Variants in ACBD6 observed in about 807,000 individuals in gnomAD.
ACBD6 encodes acyl-CoA-binding domain-containing protein 6.
A neutral mutation model predicts 37.2 loss-of-function variants in ACBD6; 28 were observed. The observed-to-expected ratio is 0.75, with a 90% CI of 0.56 to 1.03. The LOEUF (loss-of-function observed/expected upper bound fraction) is 1.03. Ranked by LOEUF, ACBD6 falls within the 50% of genes least tolerant of loss-of-function variation. The pLI is 0.00. For synonymous variants in ACBD6, 113 were observed against 126.8 expected (o/e 0.89, Z 0.73); for missense variants, 340 against 337.4 (o/e 1.01, Z -0.06).
intron 6 of ACBD6, among the ~76,000 whole-genome samples, chr1:180,334,553 G>C (rs1388237930): frequency 6.6e-6 from 1 of 152,062 alleles, no homozygotes; most frequent in Non-Finnish European, 1.5e-5. Flanking sequence ...AAACCACAAA[G>C]ATGGGAAAAA....
At chr1:180,424,668 G>T (rs1178296091) in intron 4 of ACBD6, among the ~76,000 whole-genome samples, 1 of 151,902 alleles carries the variant, frequency 6.6e-6, no homozygotes, top group African/African-American at 2.4e-5. Context: ...CATTTCATAG[G>T]TACCACATAC....
chr1:180,310,097 T>TA (rs969332447), intron 7 of ACBD6, among the ~76,000 whole-genome samples: 15 of 151,552 alleles, frequency 9.9e-5, no homozygotes, highest in East Asian at 1.9e-4. Context: ...TCCTCATTTA[T>TA]AAAAAAAAAT....
intron 3 of ACBD6, among the ~76,000 whole-genome samples, chr1:180,433,463 C>G (rs1648888490): frequency 1.3e-5 from 2 of 152,138 alleles, no homozygotes; most frequent in Non-Finnish European, 2.9e-5. Flanking sequence ...TGAAAGCTTT[C>G]TTTCTAAGAT....
intron 3 of ACBD6, among the ~76,000 whole-genome samples, chr1:180,446,714 A>C (rs1649491019): frequency 6.6e-6 from 1 of 152,184 alleles, no homozygotes; most frequent in African/African-American, 2.4e-5. Flanking sequence ...AACACACAGC[A>C]ATATTTTAAA....
intron 4 of ACBD6, among the ~76,000 whole-genome samples, chr1:180,425,035 C>G (rs919395221): frequency 2.0e-5 from 3 of 152,312 alleles, no homozygotes; most frequent in African/African-American, 7.2e-5. Context: ...CTTGTCATTC[C>G]TGAGGTTCTC....
intron 7 of ACBD6, among the ~76,000 whole-genome samples, chr1:180,300,871 TTTTC>T (rs1429341208): frequency 3.3e-5 from 5 of 152,188 alleles, no homozygotes; most frequent in African/African-American, 7.2e-5. Flanking sequence ...TAAGAAAAGA[TTTTC>T]TTTAATTTGA....
At chr1:180,378,230 C>T (rs1380998576) in intron 6 of ACBD6, among the ~76,000 whole-genome samples, 1 of 152,066 alleles carries the variant, frequency 6.6e-6, no homozygotes. Context: ...TAACCTAATT[C>T]CAATCAAGAG....
At chr1:180,438,378 G>A (rs1266066905) in intron 3 of ACBD6, 1 of 152,778 alleles carries the variant, frequency 6.5e-6, no homozygotes, top group Non-Finnish European at 1.5e-5. Flanking sequence ...ATAGGCAAAG[G>A]ACATAACCAT....
Position 180,360,022 on chromosome 1 carries a change from G to T in ACBD6, c.663+37494C>A, listed in dbSNP as rs536331924. ...TTTTAATTTTTTATTGAATAACAAG[G>T]TACTTTGGGTTTTTACATAGATAAA... On this transcript the variant is annotated intron_variant, in intron 6 of 7. Transcript: ENST00000367595. 2.0e-5 allele frequency among the ~76,000 whole-genome samples: 3 copies of T among 152,116 alleles called. No homozygotes were observed. The South Asian group carries it at 6.2e-4, about 32-fold the overall frequency.
chr1:180,438,679 C>A (rs2102009639), intron 3 of ACBD6, among the ~76,000 whole-genome samples: 1 of 152,250 alleles, frequency 6.6e-6, no homozygotes, highest in Non-Finnish European at 1.5e-5. Context: ...GTATACAACT[C>A]TCCCACCCAC....
chr1:180,489,025 T>G (rs1366201487), intron 3 of ACBD6, among the ~76,000 whole-genome samples: 2 of 152,136 alleles, frequency 1.3e-5, no homozygotes, highest in South Asian at 4.1e-4. Flanking sequence ...CTCAGCACAT[T>G]CAGGCCAGGT....
In ACBD6 at chr1:180,420,920, A is replaced by G. The variant is rs530479854; in HGVS notation, c.468-7449T>C. Among the ~76,000 whole-genome samples, 10 of 152,008 alleles carry G rather than the reference A, an allele frequency of 6.6e-5. No individual in the cohort carries two copies. The South Asian group carries it at 2.1e-3, about 32-fold the overall frequency. ...GCTTCCTTCTCTCCCTTACTAATAA[A>G]TGTCCTTTGTGGCATTTTTTTCCTC... On this transcript the variant is annotated intron_variant, in intron 4 of 7. Coordinates refer to ENST00000367595, the MANE Select transcript of ACBD6 (RefSeq NM_032360.4).
chr1:180,330,515 T>C (rs1651439276), intron 6 of ACBD6, among the ~76,000 whole-genome samples: 1 of 152,150 alleles, frequency 6.6e-6, no homozygotes, highest in Non-Finnish European at 1.5e-5. Flanking sequence ...CAAATATAAA[T>C]GGGCATTTCA....
rs1309022251 is a variant in ACBD6, at chr1:180,502,211, A to G, written c.56T>C (p.Leu19Pro). 2 of 1,613,982 alleles carry G rather than the reference A, an allele frequency of 1.2e-6. No individual in the cohort carries two copies. The highest frequency in any genetic ancestry group is 2.2e-5 in the South Asian group (2 of 91,084). ...CTCCCCGGAGTCGTCCCCTGAGCTC[A>G]GCTCTCCACCGCTGTCGCCGGTGAT... ...GAITGDSGGE[L>P]SSGDDSGEVE... The change falls in exon 1 of 8, where the codon CTG becomes CCG. Residue 19 changes from leucine to proline, a missense_variant. Physicochemically the swap from Leu to Pro is moderately conservative, Grantham distance 98. Transcript: ENST00000367595.
intron 6 of ACBD6, among the ~76,000 whole-genome samples, chr1:180,381,683 C>T (rs1653655328): frequency 6.6e-6 from 1 of 152,032 alleles, no homozygotes; most frequent in African/African-American, 2.4e-5. Context: ...AAAATCAAAA[C>T]ACAAGGTACC....
intron 6 of ACBD6, among the ~76,000 whole-genome samples, chr1:180,331,079 C>A (rs1475642805): frequency 1.3e-5 from 2 of 152,172 alleles, no homozygotes; most frequent in Non-Finnish European, 2.9e-5. Flanking sequence ...GGGAAGAGAT[C>A]CATATCAGCA....
At position 180,500,657 on chromosome 1, in the gene ACBD6, G is replaced by C. The variant is rs961171617; in HGVS notation, c.222+1388C>G. ...TGCAGTGAGCTAAGATCCAGCCACTGCACTCCAGCCTGGGCAACAGGAGCA... is the reference window on the plus strand; with the variant it reads ...TGCAGTGAGCTAAGATCCAGCCACTCCACTCCAGCCTGGGCAACAGGAGCA... On this transcript the variant is annotated intron_variant, in intron 1 of 7. Transcript: ENST00000367595. 1.1e-4 allele frequency among the ~76,000 whole-genome samples: 16 copies of C among 147,906 alleles called. 1 individual carries two copies. Among genetic ancestry groups the C allele is most frequent in the South Asian group, 8.6e-4 (4 of 4,662 alleles).
intron 6 of ACBD6, among the ~76,000 whole-genome samples, chr1:180,317,811 T>A (rs1446129344): frequency 6.6e-6 from 1 of 152,298 alleles, no homozygotes; most frequent in Admixed American, 6.5e-5. Context: ...AGGCATTTCA[T>A]GAACCAAGCC....
Position 180,492,304 on chromosome 1 carries a change from C to G in ACBD6, c.349G>C (p.Val117Leu). The stretch of plus-strand genomic sequence containing the variant: ...CAACCTGGATCTAGTTTTTTAACTA[C>G]TGCGATATATTCCTGCATTGCTTGG... ...PSQAMQEYIA[V>L]VKKLDPGWNP... Residue 117 changes from valine to leucine, a missense_variant, in exon 3 of 8, where the codon GTA becomes CTA. Transcript: ENST00000367595. 6.2e-7 allele frequency: 1 copy of G among 1,614,042 alleles called. No individual in the cohort carries two copies. Among genetic ancestry groups the G allele is most frequent in the Non-Finnish European group, 8.5e-7 (1 of 1,179,982 alleles).
Sources: allele counts gnomAD v4.1 joint callset (sites outside exome capture counted in the v4.1 genomes callset), GRCh38; gene constraint gnomAD v4.1.1; transcripts MANE v1.5; gene names NCBI Gene and HGNC (gene_info 2026-07-23, HGNC 2026-07-21).